HEMK2: variants seen among roughly 807,000 people sequenced by gnomAD.
HEMK2 encodes the protein HemK methyltransferase 2, ETF1 glutamine and histone H4 lysine, also known as methyltransferase HEMK2.
At chr21:28,796,689 C>A in the HEMK2 span, among the ~76,000 whole-genome samples, 10 of 152,284 alleles carry the variant, frequency 6.6e-5, no homozygotes, top group African/African-American at 1.9e-4. Context: ...CACAGCCTCC[C>A]AAGTAGCTGG....
the HEMK2 span, among the ~76,000 whole-genome samples, chr21:28,658,860 T>C: frequency 6.6e-6 from 1 of 152,126 alleles, no homozygotes; most frequent in Non-Finnish European, 1.5e-5. Context: ...TTACATTTCA[T>C]CTTGTTAAAC....
chr21:28,576,899 T>C, the HEMK2 span, among the ~76,000 whole-genome samples: 142 of 152,244 alleles, frequency 9.3e-4, no homozygotes, highest in Admixed American at 9.3e-3. Flanking sequence ...TTAGTAAAGA[T>C]AGGGTTTCAC....
At chr21:28,604,253 G>A in the HEMK2 span, among the ~76,000 whole-genome samples, 1 of 152,112 alleles carries the variant, frequency 6.6e-6, no homozygotes, top group Non-Finnish European at 1.5e-5. Context: ...CACACACCAG[G>A]GCCTCTCAGG....
the HEMK2 span, among the ~76,000 whole-genome samples, chr21:28,742,054 A>G: frequency 6.6e-6 from 1 of 152,188 alleles, no homozygotes; most frequent in South Asian, 2.1e-4. Flanking sequence ...GCTCAGGACC[A>G]AATCTGCCAC....
At chr21:28,788,696 T>C in the HEMK2 span, among the ~76,000 whole-genome samples, 12 of 145,688 alleles carry the variant, frequency 8.2e-5, no homozygotes, top group Non-Finnish European at 1.5e-4. Flanking sequence ...TAAAAATCTT[T>C]AGGTACTCCA....
chr21:28,588,538 G>C, the HEMK2 span, among the ~76,000 whole-genome samples: 14 of 152,270 alleles, frequency 9.2e-5, no homozygotes, highest in African/African-American at 3.4e-4. Context: ...CGATCAGATT[G>C]TTGGGGTGGA....
At chr21:28,753,085 T>C in the HEMK2 span, among the ~76,000 whole-genome samples, 1 of 152,208 alleles carries the variant, frequency 6.6e-6, no homozygotes, top group Non-Finnish European at 1.5e-5. Flanking sequence ...AGAATGGTTC[T>C]CCAGGGTTAA....
the HEMK2 span, among the ~76,000 whole-genome samples, chr21:28,838,831 C>A: frequency 6.8e-6 from 1 of 147,654 alleles, no homozygotes; most frequent in Non-Finnish European, 1.5e-5. Flanking sequence ...CCCAGCTACT[C>A]GGGAGGCTGA....
the HEMK2 span, among the ~76,000 whole-genome samples, chr21:28,790,246 A>G: frequency 6.6e-6 from 1 of 152,194 alleles, no homozygotes; most frequent in South Asian, 2.1e-4. Context: ...TTGATGATAA[A>G]CACCTGCAAT....
the HEMK2 span, among the ~76,000 whole-genome samples, chr21:28,737,219 A>G: frequency 6.6e-6 from 1 of 152,122 alleles, no homozygotes; most frequent in Non-Finnish European, 1.5e-5. Flanking sequence ...CTGCTTCCAG[A>G]GTTTAAGCGA....
the HEMK2 span, chr21:28,874,393 C>T: frequency 6.6e-6 from 1 of 152,254 alleles, no homozygotes; most frequent in African/African-American, 2.4e-5. Context: ...ATGTAATGAA[C>T]CTGCCACTAG....
chr21:28,758,777 C>T, the HEMK2 span, among the ~76,000 whole-genome samples: 2 of 152,176 alleles, frequency 1.3e-5, no homozygotes, highest in African/African-American at 4.8e-5. Flanking sequence ...CTAAAAATAA[C>T]TTCCAGGTAC....
the HEMK2 span, among the ~76,000 whole-genome samples, chr21:28,821,977 G>A: frequency 6.6e-6 from 1 of 152,108 alleles, no homozygotes; most frequent in Non-Finnish European, 1.5e-5. Context: ...ATACCTCCTG[G>A]AGGACCAAAA....
the HEMK2 span, among the ~76,000 whole-genome samples, chr21:28,673,045 GAGGA>G: frequency 6.6e-6 from 1 of 150,952 alleles, no homozygotes; most frequent in South Asian, 2.1e-4. Context: ...GAGAGGGAGG[GAGGA>G]AGGAAAGAAA....
the HEMK2 span, among the ~76,000 whole-genome samples, chr21:28,644,336 G>A: frequency 3.9e-5 from 6 of 152,180 alleles, no homozygotes; most frequent in Non-Finnish European, 7.4e-5. Context: ...CCCATAATTC[G>A]GTCACCTCTA....
chr21:28,623,620 A>G, the HEMK2 span, among the ~76,000 whole-genome samples: 52 of 152,322 alleles, frequency 3.4e-4, no homozygotes, highest in African/African-American at 1.2e-3. Flanking sequence ...TAAAGAAAAT[A>G]TAGCACATAT....
the HEMK2 span, among the ~76,000 whole-genome samples, chr21:28,759,004 A>G: frequency 3.3e-5 from 5 of 152,210 alleles, no homozygotes; most frequent in Non-Finnish European, 7.3e-5. Context: ...TGCAATTGTC[A>G]CAATAAATGG....
the HEMK2 span, among the ~76,000 whole-genome samples, chr21:28,871,894 C>T: frequency 2.0e-5 from 3 of 151,752 alleles, no homozygotes; most frequent in Non-Finnish European, 4.4e-5. Context: ...GGCCCTATGT[C>T]TCTGTTTCTG....
At chr21:28,716,887 G>A in the HEMK2 span, among the ~76,000 whole-genome samples, 749 of 152,182 alleles carry the variant, frequency 4.9e-3, 8 homozygotes, top group African/African-American at 0.017. Flanking sequence ...TTGCAGTTAT[G>A]TCTTCAGTTT....
Sources: gnomAD v4.1 joint callset for allele counts (sites outside exome capture counted in the v4.1 genomes callset) on GRCh38, gnomAD v4.1.1 for gene constraint, MANE v1.5 for transcripts, NCBI Gene and HGNC (gene_info 2026-07-23, HGNC 2026-07-21) for gene names.